The following FBXL17 variants were observed in gnomAD, a reference collection of about 807,000 sequenced individuals.
FBXL17 encodes the protein F-box and leucine rich repeat protein 17, also known as F-box/LRR-repeat protein 17.
A neutral mutation model predicts 66.2 loss-of-function variants in FBXL17; 22 were observed. That is an observed-to-expected ratio of 0.33 (90% CI 0.24 to 0.47). The LOEUF (loss-of-function observed/expected upper bound fraction) is 0.47, where lower values mean the gene tolerates loss of function less well. Ranked by LOEUF, FBXL17 falls within the 20% of genes least tolerant of loss-of-function variation. The probability of loss-of-function intolerance (pLI) is 1.00; values close to 1 mark genes in which losing one functional copy is unlikely to be tolerated. For missense variants in FBXL17, 878 were observed against 948.2 expected (o/e 0.93, Z 0.97); for synonymous variants, 474 against 400.5 (o/e 1.18, Z -2.19).
intron 7 of FBXL17, among the ~76,000 whole-genome samples, chr5:107,984,305 A>C (rs962442390): frequency 3.9e-5 from 6 of 152,218 alleles, no homozygotes; most frequent in Non-Finnish European, 7.3e-5. Flanking sequence ...CTATTAAATT[A>C]TGTTAATTTG....
At chr5:108,286,238 A>G (rs1757895570) in intron 4 of FBXL17, among the ~76,000 whole-genome samples, 1 of 151,982 alleles carries the variant, frequency 6.6e-6, no homozygotes, top group Admixed American at 6.6e-5. Flanking sequence ...GAACAAGAAC[A>G]GGATGTCCTC....
At chr5:107,916,044 G>A (rs1750115863) in intron 7 of FBXL17, among the ~76,000 whole-genome samples, 1 of 152,178 alleles carries the variant, frequency 6.6e-6, no homozygotes, top group African/African-American at 2.4e-5. Flanking sequence ...TGATGGGGCA[G>A]TCTAATAAGA....
chr5:108,006,548 C>G (rs972855097), intron 7 of FBXL17, among the ~76,000 whole-genome samples: 4 of 152,206 alleles, frequency 2.6e-5, no homozygotes, highest in Non-Finnish European at 1.5e-5. Context: ...AAACAGCCTT[C>G]TATTCTGCAT....
Position 108,380,756 on chromosome 5 carries a change from C to T in FBXL17, c.936G>A (p.Arg312=). The change falls in exon 1 of 9, where the codon AGG becomes AGA. Residue 312 remains arginine, a synonymous_variant. Coordinates refer to ENST00000542267, the MANE Select transcript of FBXL17 (RefSeq NM_001163315.3). ...TGTCTGGGGTTTCGGGGGGCGGCTCCCTGTGACAGTCGCAGGGGTTTTCGG... is the reference window on the plus strand; with the variant it reads ...TGTCTGGGGTTTCGGGGGGCGGCTCTCTGTGACAGTCGCAGGGGTTTTCGG... The part of the protein sequence containing the change: ...ESPENPCDCH[R]EPPPETPDIN... 8.0e-7 allele frequency: 1 copy of T among 1,249,676 alleles called. No individual in the cohort carries two copies. Among genetic ancestry groups the T allele is most frequent in the Admixed American group, 4.2e-5 (1 of 23,732 alleles). 77.4% of individuals were successfully genotyped at this position (1,249,676 alleles called of 1,614,324 possible).
intron 6 of FBXL17, 48 bp downstream of exon 6, chr5:108,186,069 T>C: frequency 6.9e-7 from 1 of 1,443,394 alleles, no homozygotes; most frequent in Non-Finnish European, 9.7e-7. Context: ...TAATATTTCC[T>C]AAATGTTTTC....
Position 108,242,060 on chromosome 5 carries a change from A to G in FBXL17, c.1507-17832T>C, listed in dbSNP as rs527549213. ...TGAAAAAGAAGGATGTTAATGAGCA[A>G]GAATACATCATCTGAAGGTACAAAA... is the stretch of plus-strand genomic sequence containing the variant. On this transcript the variant is annotated intron_variant, in intron 4 of 8. Coordinates refer to ENST00000542267, the MANE Select transcript of FBXL17 (RefSeq NM_001163315.3). 2.6e-5 allele frequency among the ~76,000 whole-genome samples: 4 copies of G among 152,334 alleles called. No individual in the cohort carries two copies. In the East Asian group the frequency reaches 5.8e-4, roughly 22 times the overall value.
chr5:108,336,343 A>C (rs933066909), intron 4 of FBXL17, among the ~76,000 whole-genome samples: 2 of 152,166 alleles, frequency 1.3e-5, no homozygotes, highest in Admixed American at 1.3e-4. Flanking sequence ...ATTATATTTA[A>C]TATCTACCTC....
intron 6 of FBXL17, among the ~76,000 whole-genome samples, chr5:108,126,079 T>A (rs965566566): frequency 6.6e-6 from 1 of 152,128 alleles, no homozygotes; most frequent in African/African-American, 2.4e-5. Context: ...AGCAATCATG[T>A]GCAGTTATAA....
chr5:108,167,984 C>A (rs114323833), intron 6 of FBXL17, among the ~76,000 whole-genome samples: 1,729 of 152,188 alleles, frequency 0.011, 48 homozygotes, highest in African/African-American at 0.039. Flanking sequence ...GAGATCATAT[C>A]GTTGCTCCTG....
intron 7 of FBXL17, among the ~76,000 whole-genome samples, chr5:107,885,117 T>C (rs1748920579): frequency 6.6e-6 from 1 of 152,162 alleles, no homozygotes; most frequent in Non-Finnish European, 1.5e-5. Context: ...TGTTGACACA[T>C]TACAATGGTA....
intron 4 of FBXL17, among the ~76,000 whole-genome samples, chr5:108,266,465 C>T (rs1757049704): frequency 6.6e-6 from 1 of 152,118 alleles, no homozygotes. Context: ...CTTAGTCACT[C>T]AGTGGCTGGC....
At chr5:108,287,566 TATC>T (rs1757948377) in intron 4 of FBXL17, among the ~76,000 whole-genome samples, 1 of 152,026 alleles carries the variant, frequency 6.6e-6, no homozygotes, top group South Asian at 2.1e-4. Flanking sequence ...GACAATGAGA[TATC>T]ATCTCAGCCC....
At chr5:107,922,431 C>T (rs1329142897) in intron 7 of FBXL17, among the ~76,000 whole-genome samples, 1 of 152,110 alleles carries the variant, frequency 6.6e-6, no homozygotes, top group African/African-American at 2.4e-5. Context: ...GGCTCAATCC[C>T]AGTGGGTAAT....
At chr5:107,958,813 A>ACCACCACATCTTGT (rs1751771495) in intron 7 of FBXL17, among the ~76,000 whole-genome samples, 2 of 152,254 alleles carry the variant, frequency 1.3e-5, no homozygotes, top group African/African-American at 2.4e-5. Context: ...AGTTAAAAGA[A>ACCACCACATCTTGT]TTACATTCGA....
intron 4 of FBXL17, among the ~76,000 whole-genome samples, chr5:108,255,044 A>C (rs879350549): frequency 6.6e-5 from 10 of 152,208 alleles, no homozygotes; most frequent in Non-Finnish European, 7.4e-5. Flanking sequence ...AAGAGCATTA[A>C]GTAAGTATTA....
At chr5:108,112,143 G>A (rs1277663392) in intron 6 of FBXL17, among the ~76,000 whole-genome samples, 1 of 152,190 alleles carries the variant, frequency 6.6e-6, no homozygotes, top group Non-Finnish European at 1.5e-5. Flanking sequence ...CCAGAAAGGA[G>A]GCAGATGCAC....
intron 4 of FBXL17, among the ~76,000 whole-genome samples, chr5:108,269,480 A>G (rs148082823): frequency 6.6e-6 from 1 of 152,116 alleles, no homozygotes; most frequent in African/African-American, 2.4e-5. Flanking sequence ...AATGCCATCA[A>G]ATTTGGTTAT....
intron 7 of FBXL17, among the ~76,000 whole-genome samples, chr5:108,007,459 A>T (rs288189): frequency 0.8 from 122,023 of 152,086 alleles, 49,720 homozygotes; most frequent in African/African-American, 0.95. Context: ...TTTAGATAGA[A>T]ATGTAATAGT....
At chr5:108,089,895 A>G (rs927030828) in intron 6 of FBXL17, among the ~76,000 whole-genome samples, 1 of 152,116 alleles carries the variant, frequency 6.6e-6, no homozygotes, top group Admixed American at 6.5e-5. Context: ...TGGCACAAAC[A>G]CGGCTCACTG....
Sources: allele counts gnomAD v4.1 joint callset (sites outside exome capture counted in the v4.1 genomes callset), GRCh38; gene constraint gnomAD v4.1.1; transcripts MANE v1.5; gene names NCBI Gene and HGNC (gene_info 2026-07-23, HGNC 2026-07-21).